The following PTPRO variants were observed in gnomAD, a reference collection of about 807,000 sequenced individuals.
PTPRO encodes the protein receptor-type tyrosine-protein phosphatase O.
Under a neutral mutation model 145.2 loss-of-function variants are expected in PTPRO, and 62 were observed. The ratio of observed to expected loss-of-function variants is 0.43; its 90% CI spans 0.35 to 0.53. PTPRO has a LOEUF of 0.53. Among genes scored for constraint, PTPRO ranks in the 20% least tolerant of loss-of-function variants. The pLI is 0.01. For missense variants in PTPRO, 1,345 were observed against 1,482.7 expected (o/e 0.91, Z 1.53); for synonymous variants, 565 against 514.7 (o/e 1.10, Z -1.32).
intron 1 of PTPRO, among the ~76,000 whole-genome samples, chr12:15,342,284 T>C (rs921361261): frequency 5.9e-5 from 9 of 152,228 alleles, no homozygotes; most frequent in African/African-American, 1.7e-4. Context: ...GTCTTTTATA[T>C]ACTGACCAGA....
rs369522037 is a variant in PTPRO at position 15,411,802 on chromosome 12, T to G, written c.76-72172T>G. ...ATTTTTCAAGAGTTTAATCCTCACATTGGTTATTTGCTACGAAGACTCAAG... is the reference window on the plus strand; with the variant it reads ...ATTTTTCAAGAGTTTAATCCTCACAGTGGTTATTTGCTACGAAGACTCAAG... On this transcript the variant is annotated intron_variant, in intron 1 of 26. Coordinates refer to ENST00000281171, the MANE Select transcript of PTPRO (RefSeq NM_030667.3). Among the ~76,000 whole-genome samples the G allele has an allele frequency of 5.3e-5, 8 of 152,356 alleles. No homozygotes were observed. In the East Asian group the frequency reaches 1.3e-3, roughly 26 times the overall value.
chr12:15,557,680 A>G (rs1049121699), intron 16 of PTPRO, among the ~76,000 whole-genome samples, 157 bp downstream of exon 16: 1 of 152,182 alleles, frequency 6.6e-6, no homozygotes, highest in African/African-American at 2.4e-5. Flanking sequence ...ACAGAATATA[A>G]TGGTTTATAT....
chr12:15,369,612 G>C (rs1052549445), intron 1 of PTPRO, among the ~76,000 whole-genome samples: 2 of 152,088 alleles, frequency 1.3e-5, no homozygotes, highest in African/African-American at 4.8e-5. Flanking sequence ...ATTAACTCAT[G>C]TCTCTTTCCT....
At chr12:15,441,871 C>T (rs1052350130) in intron 1 of PTPRO, among the ~76,000 whole-genome samples, 13 of 151,984 alleles carry the variant, frequency 8.6e-5, no homozygotes, top group Non-Finnish European at 1.8e-4. Flanking sequence ...ATAAAAACTA[C>T]CAACCAATAA....
intron 6 of PTPRO, among the ~76,000 whole-genome samples, chr12:15,506,500 T>C (rs1365864331): frequency 6.6e-6 from 1 of 152,144 alleles, no homozygotes; most frequent in Non-Finnish European, 1.5e-5. Flanking sequence ...CGACTCACAG[T>C]TCTGCATGGC....
At chr12:15,324,134 A>T (rs996305653) in intron 1 of PTPRO, among the ~76,000 whole-genome samples, 1 of 152,196 alleles carries the variant, frequency 6.6e-6, no homozygotes, top group Non-Finnish European at 1.5e-5. Flanking sequence ...TAGACTTATT[A>T]GGTTGTCTAT....
intron 23 of PTPRO, among the ~76,000 whole-genome samples, chr12:15,586,328 A>T (rs996047994): frequency 2.6e-5 from 4 of 152,238 alleles, no homozygotes; most frequent in Admixed American, 6.5e-5. Flanking sequence ...TGCTGGGGGC[A>T]TGAACAGCAC....
At chr12:15,509,302 T>A (rs2136484851) in intron 7 of PTPRO, among the ~76,000 whole-genome samples, 1 of 152,106 alleles carries the variant, frequency 6.6e-6, no homozygotes, top group East Asian at 1.9e-4. Context: ...GGGTTTTTTG[T>A]TTGTTTGTTT....
chr12:15,397,355 G>T (rs1939369267), intron 1 of PTPRO, among the ~76,000 whole-genome samples: 1 of 152,104 alleles, frequency 6.6e-6, no homozygotes, highest in South Asian at 2.1e-4. Flanking sequence ...AACCCTAAAA[G>T]ATTAATATCA....
In PTPRO at chr12:15,509,462, C is replaced by T. The variant is rs559315931; in HGVS notation, c.1464+695C>T. ...CTTTAATCCCAGCACTTTGGAAGGC[C>T]GAGGCGGGTGGATCACCTGAGGTCA... On this transcript the variant is annotated intron_variant, in intron 7 of 26. Transcript: ENST00000281171. Among the ~76,000 whole-genome samples, 11 of 151,362 alleles carry T rather than the reference C, an allele frequency of 7.3e-5. No individual in the cohort carries two copies. The East Asian group carries it at 9.7e-4, about 13-fold the overall frequency.
At chr12:15,390,490 C>T (rs1015582120) in intron 1 of PTPRO, among the ~76,000 whole-genome samples, 2 of 151,936 alleles carry the variant, frequency 1.3e-5, no homozygotes, top group African/African-American at 2.4e-5. Flanking sequence ...TTCACTATCA[C>T]GAGAATAGCA....
intron 1 of PTPRO, among the ~76,000 whole-genome samples, chr12:15,342,856 A>G (rs578095864): frequency 5.3e-5 from 8 of 152,268 alleles, no homozygotes; most frequent in African/African-American, 1.9e-4. Context: ...GCAGTTTGTC[A>G]GCTGTGGGCC....
intron 13 of PTPRO, among the ~76,000 whole-genome samples, chr12:15,546,960 A>C (rs1172710991): frequency 1.3e-5 from 2 of 152,226 alleles, no homozygotes; most frequent in Admixed American, 1.3e-4. Flanking sequence ...GAATAAAGGT[A>C]GTAGGCCATT....
At chr12:15,509,826 T>G (rs1288535417) in intron 7 of PTPRO, among the ~76,000 whole-genome samples, 2 of 152,084 alleles carry the variant, frequency 1.3e-5, no homozygotes, top group Non-Finnish European at 2.9e-5. Flanking sequence ...GGTGTGCAAC[T>G]CAGTAGTCTT....
rs201668779 is a variant in PTPRO, at chr12:15,546,703, C to G, written c.2299C>G (p.Leu767Val). 194 of 1,613,966 alleles carry G rather than the reference C, an allele frequency of 1.2e-4. No individual in the cohort carries two copies. The highest frequency in any genetic ancestry group is 8.3e-4 in the Middle Eastern group (5 of 6,060). ...AGTTGGCTCCAGTCAGAAAACCAAA[C>G]TTCAGGTACTGTACCTTTTGATCTA... ...QQVGSSQKTKLQEPVAVSSHV... is the reference protein window; with the variant it reads ...QQVGSSQKTKVQEPVAVSSHV... Residue 767 changes from leucine (L) to valine (V), a missense_variant, in exon 13 of 27, where the codon CTT (leucine) becomes GTT (valine). Transcript: ENST00000281171.
chr12:15,579,621 C>A (rs1412911147), intron 20 of PTPRO, among the ~76,000 whole-genome samples: 2 of 152,142 alleles, frequency 1.3e-5, no homozygotes, highest in African/African-American at 4.8e-5. Context: ...ATTTAATGTC[C>A]ACCTACAAAA....
intron 1 of PTPRO, among the ~76,000 whole-genome samples, chr12:15,410,020 G>A (rs934122685): frequency 1.3e-5 from 2 of 152,146 alleles, no homozygotes; most frequent in African/African-American, 2.4e-5. Flanking sequence ...GAGTAGGAGA[G>A]CCTCATGGTA....
intron 18 of PTPRO, among the ~76,000 whole-genome samples, chr12:15,568,331 G>A (rs1943954428): frequency 6.6e-6 from 1 of 152,204 alleles, no homozygotes; most frequent in Non-Finnish European, 1.5e-5. Flanking sequence ...TTGGGAGGCT[G>A]AGGCAGGAGA....
Position 15,504,026 on chromosome 12 carries a change from A to G in PTPRO, c.1224A>G (p.Glu408=), listed in dbSNP as rs769707870. Residue 408 remains glutamate (E), a synonymous_variant, in exon 6 of 27, where the codon GAA becomes GAG. Transcript: ENST00000281171. ...CCTTTAGTTCCTCAGGATCTTGTGA[A>G]ACTCGAAAAAGTCAGTCAGCAAAAT... ...VTTFSSSGSC[E]TRKSQSAKSL... is the part of the protein sequence containing the mutation. 3 of 1,613,280 alleles carry G rather than the reference A, an allele frequency of 1.9e-6. No individual in the cohort carries two copies. Among genetic ancestry groups the G allele is most frequent in the Non-Finnish European group, 2.5e-6 (3 of 1,179,368 alleles).
Sources: allele counts gnomAD v4.1 joint callset (sites outside exome capture counted in the v4.1 genomes callset), GRCh38; gene constraint gnomAD v4.1.1; transcripts MANE v1.5; gene names NCBI Gene and HGNC (gene_info 2026-07-23, HGNC 2026-07-21).